The following FSTL5 variants were observed in gnomAD, a reference collection of about 807,000 sequenced individuals.
The protein encoded by FSTL5 is follistatin-related protein 5.
In FSTL5, 62 loss-of-function variants were observed where a neutral mutation model predicts 89.1. The observed-to-expected ratio is 0.70, with a 90% CI of 0.57 to 0.86. FSTL5 has a LOEUF of 0.86. FSTL5 is among the 40% of genes least tolerant of loss of function. FSTL5 has a pLI of 0.00. For synonymous variants in FSTL5, 383 were observed against 346.2 expected (o/e 1.11, Z -1.18); for missense variants, 1,057 against 1,001.6 (o/e 1.06, Z -0.75).
chr4:162,086,977 T>A (rs941042274), intron 2 of FSTL5, among the ~76,000 whole-genome samples: 1 of 152,192 alleles, frequency 6.6e-6, no homozygotes, highest in South Asian at 2.1e-4. Flanking sequence ...ATAACCTTCA[T>A]ATGATGATAA....
intron 6 of FSTL5, among the ~76,000 whole-genome samples, chr4:161,723,455 T>C (rs1017218106): frequency 2.6e-5 from 4 of 152,226 alleles, no homozygotes; most frequent in African/African-American, 7.2e-5. Flanking sequence ...GAACAGAATA[T>C]TAGGCAGGGC....
intron 1 of FSTL5, among the ~76,000 whole-genome samples, chr4:162,152,869 G>GAA (rs34143516): frequency 1.3e-4 from 18 of 142,794 alleles, no homozygotes; most frequent in South Asian, 4.6e-4. Context: ...AAACTGGAAA[G>GAA]AAAAAAAAAA....
chr4:161,961,063 T>C (rs1735161259), intron 3 of FSTL5, among the ~76,000 whole-genome samples: 1 of 152,140 alleles, frequency 6.6e-6, no homozygotes, highest in African/African-American at 2.4e-5. Flanking sequence ...TATTTAGATA[T>C]TTATTCTCAA....
At chr4:161,399,945 T>C (rs745899005) in intron 15 of FSTL5, among the ~76,000 whole-genome samples, 2 of 152,150 alleles carry the variant, frequency 1.3e-5, no homozygotes, top group East Asian at 1.9e-4. Flanking sequence ...ATGTAAGCGA[T>C]TGTGTGAATA....
intron 3 of FSTL5, among the ~76,000 whole-genome samples, chr4:161,977,612 CAAAAAAAAAAAAAA>C (rs796909244): frequency 3.2e-5 from 3 of 95,138 alleles, no homozygotes; most frequent in East Asian, 3.0e-4. Flanking sequence ...GACTCCGTGT[CAAAAAAAAAAAAAA>C]AAAAAAAAAA....
chr4:161,902,782 G>C (rs1733408160), intron 4 of FSTL5, among the ~76,000 whole-genome samples: 1 of 152,132 alleles, frequency 6.6e-6, no homozygotes, highest in African/African-American at 2.4e-5. Context: ...CCGGGAGGCG[G>C]AGCTTGCAGT....
At chr4:161,447,680 C>T (rs553504555) in intron 15 of FSTL5, among the ~76,000 whole-genome samples, 1 of 151,870 alleles carries the variant, frequency 6.6e-6, no homozygotes, top group South Asian at 2.1e-4. Flanking sequence ...AATCAGGTAA[C>T]CATAATGAAA....
chr4:161,829,011 A>C (rs902455136), intron 4 of FSTL5, among the ~76,000 whole-genome samples: 1 of 151,898 alleles, frequency 6.6e-6, no homozygotes, highest in East Asian at 1.9e-4. Context: ...GAATTAAGTT[A>C]TTCAAGGAAT....
At chr4:161,875,488 C>T (rs1168334216) in intron 4 of FSTL5, among the ~76,000 whole-genome samples, 2 of 152,092 alleles carry the variant, frequency 1.3e-5, no homozygotes, top group Admixed American at 6.5e-5. Flanking sequence ...GGCAGACTAC[C>T]ACTTCAGTTT....
intron 7 of FSTL5, among the ~76,000 whole-genome samples, chr4:161,612,367 T>C (rs1267486690): frequency 6.6e-6 from 1 of 152,210 alleles, no homozygotes; most frequent in Non-Finnish European, 1.5e-5. Context: ...TCCATTGTTG[T>C]GTTGTTCAGT....
intron 4 of FSTL5, among the ~76,000 whole-genome samples, chr4:161,862,536 C>A (rs1221905665): frequency 3.9e-5 from 6 of 152,080 alleles, no homozygotes; most frequent in Non-Finnish European, 8.8e-5. Flanking sequence ...AGATAGAGAC[C>A]ATCCCAGACA....
rs147671792 is a variant in FSTL5, at chr4:161,429,192, C to T, written c.1841+25812G>A. Among the ~76,000 whole-genome samples, 926 of 152,160 alleles carry T rather than the reference C, an allele frequency of 6.1e-3. 18 individuals are homozygous for T. Among genetic ancestry groups the T allele is most frequent in the African/African-American group, 0.022 (894 of 41,548 alleles). On this transcript the variant is annotated intron_variant, in intron 15 of 15. Coordinates refer to ENST00000306100, the MANE Select transcript of FSTL5 (RefSeq NM_020116.5). ...TGTGGCTTGGATGGCAGCTTAGTTG[C>T]AGTAGAATAGGGCACCAAGCAGATT...
At chr4:161,469,948 T>C (rs188177823) in intron 13 of FSTL5, among the ~76,000 whole-genome samples, 2 of 152,258 alleles carry the variant, frequency 1.3e-5, no homozygotes, top group South Asian at 2.1e-4. Flanking sequence ...GTTTTGGTGA[T>C]TTTTGTGGTT....
At chr4:161,813,270 C>A (rs2872575) in intron 4 of FSTL5, among the ~76,000 whole-genome samples, 3 of 151,824 alleles carry the variant, frequency 2.0e-5, no homozygotes, top group Non-Finnish European at 2.9e-5. Context: ...ACCTCGTGAT[C>A]TGCCCGCCTT....
At chr4:161,985,061 ATT>A (rs1735925506) in intron 3 of FSTL5, among the ~76,000 whole-genome samples, 1 of 151,360 alleles carries the variant, frequency 6.6e-6, no homozygotes, top group Non-Finnish European at 1.5e-5. Context: ...GGTTCAAGCA[ATT>A]TTCGTGCTTC....
At chr4:161,724,131 T>C (rs1374052099) in intron 6 of FSTL5, among the ~76,000 whole-genome samples, 2 of 152,050 alleles carry the variant, frequency 1.3e-5, no homozygotes, top group Non-Finnish European at 2.9e-5. Flanking sequence ...GATTTGATAA[T>C]GCAAAAATCA....
At chr4:161,396,609 G>A (rs1269185485) in intron 15 of FSTL5, among the ~76,000 whole-genome samples, 1 of 149,166 alleles carries the variant, frequency 6.7e-6, no homozygotes, top group South Asian at 2.1e-4. Context: ...AGCTGAGATC[G>A]CACCACTGCA....
chr4:161,741,773 C>T (rs543738104), intron 6 of FSTL5, among the ~76,000 whole-genome samples: 24 of 147,772 alleles, frequency 1.6e-4, no homozygotes, highest in Admixed American at 6.2e-4. Context: ...CTGCAACGTT[C>T]GCCTCCCGGT....
chr4:161,980,851 A>C (rs1286944271), intron 3 of FSTL5, among the ~76,000 whole-genome samples: 5 of 134,046 alleles, frequency 3.7e-5, no homozygotes, highest in Middle Eastern at 4.7e-3. Flanking sequence ...ATCTCGGCAC[A>C]CTGCAACCTC....
Sources: allele counts gnomAD v4.1 joint callset (sites outside exome capture counted in the v4.1 genomes callset), GRCh38; gene constraint gnomAD v4.1.1; transcripts MANE v1.5; gene names NCBI Gene and HGNC (gene_info 2026-07-23, HGNC 2026-07-21).